Variants in LRP1B observed in about 807,000 individuals in gnomAD.
The protein encoded by LRP1B is low-density lipoprotein receptor-related protein 1B.
A neutral mutation model predicts 556.6 loss-of-function variants in LRP1B; 217 were observed. The observed-to-expected ratio is 0.39, with a 90% CI of 0.35 to 0.44. The LOEUF (loss-of-function observed/expected upper bound fraction) is 0.44. LRP1B is among the 20% of genes least tolerant of loss of function. The pLI is 1.00. For missense variants in LRP1B, 5,053 were observed against 5,620.8 expected (o/e 0.90, Z 3.23); for synonymous variants, 2,047 against 1,865.8 (o/e 1.10, Z -2.50).
chr2:140,260,102 C>T (rs1365629651), intron 86 of LRP1B, among the ~76,000 whole-genome samples: 1 of 151,962 alleles, frequency 6.6e-6, no homozygotes, highest in East Asian at 1.9e-4. Context: ...AGAAGTAAAA[C>T]ATAAAAACTA....
intron 2 of LRP1B, among the ~76,000 whole-genome samples, chr2:141,491,469 T>A (rs1188879771): frequency 3.4e-5 from 5 of 149,148 alleles, no homozygotes; most frequent in African/African-American, 1.2e-4. Flanking sequence ...TTCCTCTTGT[T>A]CTTTGGGACT....
intron 2 of LRP1B, among the ~76,000 whole-genome samples, chr2:141,603,580 T>C (rs972876698): frequency 6.6e-6 from 1 of 152,192 alleles, no homozygotes; most frequent in Non-Finnish European, 1.5e-5. Flanking sequence ...AGGACTGATA[T>C]ATTTAGTAGC....
At chr2:140,970,213 T>C (rs113032371) in intron 18 of LRP1B, among the ~76,000 whole-genome samples, 3,979 of 152,292 alleles carry the variant, frequency 0.026, 83 homozygotes, top group East Asian at 0.048. Flanking sequence ...TTGGAAGCTT[T>C]GTTCATTTCT....
At position 140,435,877 on chromosome 2, in the gene LRP1B, A is replaced by T. The variant is rs145532506; in HGVS notation, c.10414+6627T>A. Among the ~76,000 whole-genome samples, 300 of 152,216 alleles carry T rather than the reference A, an allele frequency of 2.0e-3. 2 individuals are homozygous for T. The highest frequency in any genetic ancestry group is 4.1e-3 in the Admixed American group (63 of 15,278). Reference sequence around the variant, plus strand: ...ATTTCCTGGTCCCATTCATACAGATAGGCTCTCCTTCAACGGTTCTATTGG... The same window carrying T: ...ATTTCCTGGTCCCATTCATACAGATTGGCTCTCCTTCAACGGTTCTATTGG... On this transcript the variant is annotated intron_variant, in intron 66 of 90. Coordinates refer to ENST00000389484, the MANE Select transcript of LRP1B (RefSeq NM_018557.3).
intron 2 of LRP1B, among the ~76,000 whole-genome samples, chr2:141,589,347 T>C (rs1458142873): frequency 6.6e-6 from 1 of 152,192 alleles, no homozygotes; most frequent in African/African-American, 2.4e-5. Context: ...GTACCAATTA[T>C]AGTATAGCAG....
chr2:141,983,215 G>A (rs530068836), intron 1 of LRP1B, among the ~76,000 whole-genome samples: 4 of 152,046 alleles, frequency 2.6e-5, no homozygotes, highest in Admixed American at 6.5e-5. Flanking sequence ...AATTTGGGAC[G>A]TATTTTTCTA....
chr2:141,602,929 T>G (rs921400620), intron 2 of LRP1B, among the ~76,000 whole-genome samples: 1 of 152,216 alleles, frequency 6.6e-6, no homozygotes, highest in African/African-American at 2.4e-5. Flanking sequence ...GAAACTTGTA[T>G]GTAACAAGTA....
chr2:140,404,337 G>A (rs1311535848), intron 66 of LRP1B, among the ~76,000 whole-genome samples: 1 of 151,612 alleles, frequency 6.6e-6, no homozygotes, highest in Non-Finnish European at 1.5e-5. Flanking sequence ...ACCACGCCCA[G>A]CTATCTTTGT....
At chr2:141,495,022 G>GA (rs1276994228) in intron 2 of LRP1B, among the ~76,000 whole-genome samples, 1 of 151,924 alleles carries the variant, frequency 6.6e-6, no homozygotes, top group Non-Finnish European at 1.5e-5. Flanking sequence ...ACCCCTTTGG[G>GA]AAAATGTCTT....
rs530453396 is a variant in LRP1B, at chr2:141,740,790, C to T, written c.205+69489G>A. 3.3e-5 allele frequency among the ~76,000 whole-genome samples: 5 copies of T among 152,240 alleles called. No homozygotes were observed. The East Asian group carries it at 9.7e-4, about 29-fold the overall frequency. On this transcript the variant is annotated intron_variant, in intron 2 of 90. Coordinates refer to ENST00000389484, the MANE Select transcript of LRP1B (RefSeq NM_018557.3). ...CCATGCCACCAGCTAGAGCACTGGC[C>T]TCGGAAGCCTCTGGCTCTTAATCCA...
chr2:140,550,254 C>A (rs142721726), intron 43 of LRP1B, among the ~76,000 whole-genome samples: 1 of 152,064 alleles, frequency 6.6e-6, no homozygotes, highest in African/African-American at 2.4e-5. Context: ...CTTTTCTAAG[C>A]GCTTCACTTC....
chr2:141,332,629 C>A (rs1687696055), intron 3 of LRP1B, among the ~76,000 whole-genome samples: 2 of 150,770 alleles, frequency 1.3e-5, no homozygotes, highest in Admixed American at 6.6e-5. Flanking sequence ...TCTTTTTTTT[C>A]TTGAAAATGG....
intron 3 of LRP1B, among the ~76,000 whole-genome samples, chr2:141,363,837 C>T (rs1002353096): frequency 6.6e-6 from 1 of 152,072 alleles, no homozygotes; most frequent in Admixed American, 6.5e-5. Flanking sequence ...AAGATATATT[C>T]AGCATAAATT....
chr2:140,652,843 C>T (rs1049536386), intron 41 of LRP1B, among the ~76,000 whole-genome samples: 1 of 151,896 alleles, frequency 6.6e-6, no homozygotes, highest in African/African-American at 2.4e-5. Flanking sequence ...TGTGAGATTA[C>T]TGAAACCAGT....
intron 7 of LRP1B, among the ~76,000 whole-genome samples, chr2:141,134,668 A>T (rs559280398): frequency 6.6e-6 from 1 of 151,808 alleles, no homozygotes; most frequent in Non-Finnish European, 1.5e-5. Flanking sequence ...AGAAAAAAGT[A>T]AAGTACAGAT....
Position 140,444,461 on chromosome 2 carries a change from A to G in LRP1B, c.10175-12T>C, listed in dbSNP as rs770361283. On this transcript the variant is annotated splice_polypyrimidine_tract_variant and intron_variant, in intron 64 of 90. Transcript: ENST00000389484. ...GCAGACATGTGTGTCTAGAACATAG[A>G]AGGAGAGAGAGAGAGAAAATTTGTG... 2 of 1,613,952 alleles carry G rather than the reference A, an allele frequency of 1.2e-6. No homozygotes were observed. The highest frequency in any genetic ancestry group is 8.5e-7 in the Non-Finnish European group (1 of 1,179,878).
At chr2:141,804,641 G>A (rs965467033) in intron 2 of LRP1B, among the ~76,000 whole-genome samples, 1 of 151,954 alleles carries the variant, frequency 6.6e-6, no homozygotes, top group African/African-American at 2.4e-5. Flanking sequence ...GACCGAGAGG[G>A]GGCAGTTAGA....
At chr2:141,005,958 G>A (rs930622237) in intron 14 of LRP1B, among the ~76,000 whole-genome samples, 4 of 151,986 alleles carry the variant, frequency 2.6e-5, no homozygotes, top group African/African-American at 9.7e-5. Flanking sequence ...ACCCAAAAAT[G>A]AGCAGGCTTG....
intron 3 of LRP1B, among the ~76,000 whole-genome samples, chr2:141,388,217 C>T (rs913640178): frequency 1.3e-5 from 2 of 152,094 alleles, no homozygotes; most frequent in Non-Finnish European, 2.9e-5. Context: ...AGGCAGATCA[C>T]CTGAGGTCAG....
Sources: gnomAD v4.1 joint callset for allele counts (sites outside exome capture counted in the v4.1 genomes callset) on GRCh38, gnomAD v4.1.1 for gene constraint, MANE v1.5 for transcripts, NCBI Gene and HGNC (gene_info 2026-07-23, HGNC 2026-07-21) for gene names.